TMEM59: variants seen among roughly 807,000 people sequenced by gnomAD.
The protein encoded by TMEM59 is transmembrane protein 59, also known as dendritic cell factor 1.
TMEM59 carries 44 observed loss-of-function variants against 42.2 expected under a neutral mutation model. The ratio of observed to expected loss-of-function variants is 1.04; its 90% confidence interval spans 0.82 to 1.34. The LOEUF is 1.34. Among genes scored for constraint, TMEM59 ranks in the 40% most tolerant of loss-of-function variants. TMEM59 has a pLI of 0.00. For synonymous variants in TMEM59, 148 were observed against 145.8 expected, an observed-to-expected ratio of 1.02 and a Z score of -0.11; for missense variants, 359 against 382.8, an observed-to-expected ratio of 0.94 and a Z score of 0.52.
In TMEM59 at chr1:54,041,695, T is replaced by G. The variant is rs752017077; in HGVS notation, c.625+29A>C. ...CAACCAGATTTGACTGCTAATGTTT[T>G]TATCTAAGCTACTTAAAATAAAACT... On this transcript the variant is annotated intron_variant, in intron 5 of 7. Transcript: ENST00000234831. 2.0e-5 allele frequency: 31 copies of G among 1,580,192 alleles called. No homozygotes were observed. The South Asian group carries it at 3.4e-4, about 17-fold the overall frequency.
chr1:54,053,344 C>T (rs1467180394), upstream of TMEM59: 9 of 819,664 alleles, frequency 1.1e-5, no homozygotes, highest in Non-Finnish European at 1.5e-5. Flanking sequence ...AAACTGCCGC[C>T]TCCTGCCTCA....
chr1:54,045,404 A>C (rs1657295431), intron 3 of TMEM59: 1 of 346,896 alleles, frequency 2.9e-6, no homozygotes, highest in Non-Finnish European at 5.2e-6. Context: ...CTCTGAAATA[A>C]TTCCTCTGAG....
chr1:54,045,490 C>A, intron 3 of TMEM59: 1 of 494,380 alleles, frequency 2.0e-6, no homozygotes, highest in Non-Finnish European at 3.6e-6. Flanking sequence ...AGATTATGAA[C>A]GTAAGCATAA....
At chr1:54,040,687 A>G (rs949435720) in intron 6 of TMEM59, 69 bp downstream of exon 6, 1 of 1,186,874 alleles carries the variant, frequency 8.4e-7, no homozygotes, top group Non-Finnish European at 1.2e-6. Context: ...AAAATAATAA[A>G]AAGTAATATA....
rs1260646864 is a variant in TMEM59 at position 54,029,346 on chromosome 1, T to C, written c.*2804A>G. ...ATGGTGATTAGTACTGCTTTTGTAA[T>C]TGCCTGAATTAGCATGTCTCTTAGA... On this transcript the variant is annotated 3_prime_UTR_variant, in exon 8 of 8. Transcript: ENST00000234831. 3 of 152,286 alleles carry C rather than the reference T, an allele frequency of 2.0e-5. No individual in the cohort carries two copies. The highest frequency in any genetic ancestry group is 3.9e-4 in the East Asian group (2 of 5,174). The allele number at this position is 152,286 out of a possible 1,614,324, so 9.4% of individuals were successfully genotyped here.
chr1:54,040,767 T>G lies in TMEM59; in HGVS notation c.696A>C (p.Arg232Ser), dbSNP rs899000619. ...AGAGGAATACATACAGAGAGAGGCA[T>G]CTTAAAAAGCCATCACTTTCTCCAT... ...LEDGESDGFLRCLSLNSGWIL... is the reference protein window; with the variant it reads ...LEDGESDGFLSCLSLNSGWIL... The change falls in exon 6 of 8, where the codon AGA (arginine) becomes AGC (serine). Residue 232 changes from arginine to serine, a missense_variant. Arg to Ser is a moderately radical substitution (Grantham distance 110). Transcript: ENST00000234831. 4 of 1,613,430 alleles carry G rather than the reference T, an allele frequency of 2.5e-6. No individual in the cohort carries two copies. Among genetic ancestry groups the G allele is most frequent in the Non-Finnish European group, 3.4e-6 (4 of 1,179,460 alleles).
rs543398131 is a variant in TMEM59, at chr1:54,050,566, C to CTTTCTTT, written c.189+2433_189+2434insAAAGAAA. ...ATCAGTGACATAATTAAATATGTTTCTTTTTTTTTTTTTTGATGCAGAGTT... is the reference window on the plus strand; with the variant it reads ...ATCAGTGACATAATTAAATATGTTTCTTTCTTTTTTTTTTTTTTTTTGATGCAGAGTT... On this transcript the variant is annotated intron_variant, in intron 1 of 7. Transcript: ENST00000234831. 3.5e-3 allele frequency among the ~76,000 whole-genome samples: 496 copies of CTTTCTTT among 141,464 alleles called. 2 individuals are homozygous for CTTTCTTT. The highest frequency in any genetic ancestry group is 0.012 in the African/African-American group (457 of 39,114). 92.8% of individuals were successfully genotyped at this position (141,464 alleles called of 152,430 possible). A position where few individuals can be genotyped will look rare whatever the true frequency, so the allele number is the denominator to read the frequency against.
At chr1:54,046,518 A>T (rs1657341495) in intron 2 of TMEM59, among the ~76,000 whole-genome samples, 1 of 152,236 alleles carries the variant, frequency 6.6e-6, no homozygotes, top group Non-Finnish European at 1.5e-5. Context: ...ATGCATTTGT[A>T]ATACACTTCT....
Position 54,030,748 on chromosome 1 carries a change from C to T in TMEM59, c.*1402G>A, listed in dbSNP as rs1012821429. 34 of 152,308 alleles carry T rather than the reference C, an allele frequency of 2.2e-4. No homozygotes were observed. Among genetic ancestry groups the T allele is most frequent in the African/African-American group, 7.7e-4 (32 of 41,562 alleles). 9.4% of individuals were successfully genotyped at this position (152,308 alleles called of 1,614,324 possible). On this transcript the variant is annotated 3_prime_UTR_variant, in exon 8 of 8. Coordinates refer to ENST00000234831, the MANE Select transcript of TMEM59 (RefSeq NM_004872.5). ...GACAAACTAAAAATAAAAACCTACA[C>T]TTTGTGACCAAAGTCTTCCTTGATT... is the stretch of plus-strand genomic sequence containing the variant.
intron 1 of TMEM59, among the ~76,000 whole-genome samples, chr1:54,052,717 C>T (rs557775917): frequency 8.5e-5 from 13 of 152,332 alleles, no homozygotes; most frequent in South Asian, 2.1e-4. Context: ...CCTCCGAGTG[C>T]TCGACTCCCC....
At chr1:54,035,217 A>G (rs1018794507) in intron 7 of TMEM59, among the ~76,000 whole-genome samples, 1 of 152,198 alleles carries the variant, frequency 6.6e-6, no homozygotes, top group African/African-American at 2.4e-5. Flanking sequence ...TGTGCAAATC[A>G]TATATTTAAA....
At chr1:54,047,760 A>C (rs1320885069) in intron 1 of TMEM59, 1 of 247,306 alleles carries the variant, frequency 4.0e-6, no homozygotes, top group Non-Finnish European at 7.8e-6. Context: ...CAACAGTTTG[A>C]GGCCAGCCTG....
In TMEM59 at chr1:54,027,001, A is replaced by T. The variant is rs1656620234; in HGVS notation, c.*5149T>A. ...CTCTTAAAATGACAAAAGTAAAATT[A>T]AGACAACCTCTAAACCAGGGGTCTG... On this transcript the variant is annotated 3_prime_UTR_variant, in exon 8 of 8. Coordinates refer to ENST00000234831, the MANE Select transcript of TMEM59 (RefSeq NM_004872.5). 1 of 152,250 alleles carries T rather than the reference A, an allele frequency of 6.6e-6. No homozygotes were observed. The highest frequency in any genetic ancestry group is 6.5e-5 in the Admixed American group (1 of 15,288). 9.4% of individuals were successfully genotyped at this position (152,250 alleles called of 1,614,324 possible).
chr1:54,041,166 C>G (rs945611585), intron 5 of TMEM59, among the ~76,000 whole-genome samples: 6 of 152,146 alleles, frequency 3.9e-5, no homozygotes, highest in African/African-American at 1.4e-4. Context: ...CCCACTCCCA[C>G]CCACCAAAAT....
Position 54,032,181 on chromosome 1 carries a change from G to T in TMEM59, c.941C>A (p.Thr314Lys), listed in dbSNP as rs1656784232. Reference sequence around the variant, plus strand: ...TTCAGAATGAGCAAGATTCACTTTTGTAGGTAGAGGCCCTGCTTCTTCATG... The same window carrying T: ...TTCAGAATGAGCAAGATTCACTTTTTTAGGTAGAGGCCCTGCTTCTTCATG... ...EDHEEAGPLP[T>K]KVNLAHSEI The change falls in exon 8 of 8, where the codon ACA (threonine) becomes AAA (lysine). Residue 314 changes from threonine (T) to lysine (K), a missense_variant. Transcript: ENST00000234831. The T allele has an allele frequency of 6.2e-7, 1 of 1,611,312 alleles. No individual in the cohort carries two copies. Among genetic ancestry groups the T allele is most frequent in the African/African-American group, 1.3e-5 (1 of 74,790 alleles).
intron 1 of TMEM59, among the ~76,000 whole-genome samples, chr1:54,048,869 C>T (rs1657433804): frequency 6.6e-6 from 1 of 152,216 alleles, no homozygotes; most frequent in African/African-American, 2.4e-5. Context: ...TTTTGGACCT[C>T]AGTTCCAACT....
intron 6 of TMEM59, among the ~76,000 whole-genome samples, chr1:54,037,195 A>G (rs1174281118): frequency 6.6e-6 from 1 of 152,242 alleles, no homozygotes; most frequent in Non-Finnish European, 1.5e-5. Flanking sequence ...CAGTTTCCCT[A>G]GAATACTTTA....
In TMEM59 at chr1:54,053,016, A is replaced by C; in HGVS notation, c.173T>G (p.Leu58Trp). 6.2e-7 allele frequency: 1 copy of C among 1,613,908 alleles called. No individual in the cohort carries two copies. Among genetic ancestry groups the C allele is most frequent in the Non-Finnish European group, 8.5e-7 (1 of 1,179,884 alleles). Residue 58 changes from leucine to tryptophan, a missense_variant, in exon 1 of 8, where the codon TTG becomes TGG. Transcript: ENST00000234831. ...CHRACQLTYPLHTYPKEEELY... is the reference protein window; with the variant it reads ...CHRACQLTYPWHTYPKEEELY... ...GGGCCCTACCTTAGGGTAGGTGTGC[A>C]AGGGGTAGGTCAACTGACAGGCCCG...
At chr1:54,049,105 C>T (rs1657442591) in intron 1 of TMEM59, among the ~76,000 whole-genome samples, 1 of 152,178 alleles carries the variant, frequency 6.6e-6, no homozygotes, top group Admixed American at 6.5e-5. Flanking sequence ...TCATCCAGTA[C>T]CAATTTCGGA....
Sources: gnomAD v4.1 joint callset for allele counts (sites outside exome capture counted in the v4.1 genomes callset) on GRCh38, gnomAD v4.1.1 for gene constraint, MANE v1.5 for transcripts, NCBI Gene and HGNC (gene_info 2026-07-23, HGNC 2026-07-21) for gene names.